Variants in DAPK2 observed in about 807,000 individuals in gnomAD.
DAPK2 encodes death-associated protein kinase 2.
In DAPK2, 35 loss-of-function variants were observed where a neutral mutation model predicts 44.1. That is an observed-to-expected ratio of 0.79 (90% CI 0.61 to 1.05). DAPK2 has a LOEUF of 1.05. DAPK2 is among the 50% of genes least tolerant of loss of function. The pLI is 0.00. For synonymous variants in DAPK2, 174 were observed against 182.6 expected, an observed-to-expected ratio of 0.95 and a Z score of 0.38; for missense variants, 453 against 483.2, an observed-to-expected ratio of 0.94 and a Z score of 0.59.
At chr15:63,974,085 C>T (rs1595832383) in intron 2 of DAPK2, among the ~76,000 whole-genome samples, 1 of 152,252 alleles carries the variant, frequency 6.6e-6, no homozygotes, top group East Asian at 1.9e-4. Flanking sequence ...TTTGATACTA[C>T]TTTTTCACAC....
At chr15:64,016,649 C>T (rs985382282) in intron 1 of DAPK2, among the ~76,000 whole-genome samples, 6 of 152,018 alleles carry the variant, frequency 3.9e-5, no homozygotes, top group African/African-American at 4.8e-5. Context: ...ATAAATTAGC[C>T]GGGCATGTTT....
intron 6 of DAPK2, among the ~76,000 whole-genome samples, chr15:63,927,516 CAA>C (rs1223753198): frequency 1.3e-5 from 2 of 152,198 alleles, no homozygotes; most frequent in African/African-American, 4.8e-5. Context: ...ATCTGTGTCT[CAA>C]AGAGGCATGT....
intron 1 of DAPK2, among the ~76,000 whole-genome samples, chr15:63,988,559 C>T (rs1046254310): frequency 6.0e-5 from 9 of 148,894 alleles, no homozygotes; most frequent in South Asian, 2.1e-4. Flanking sequence ...GGATGGAGTA[C>T]GGTGGCGCAA....
intron 1 of DAPK2, among the ~76,000 whole-genome samples, chr15:64,038,983 T>C (rs930316924): frequency 3.3e-5 from 5 of 152,234 alleles, no homozygotes; most frequent in Middle Eastern, 3.2e-3. Context: ...TATCTACCTA[T>C]GACCTGGAAG....
At chr15:63,984,564 G>T (rs2078619442) in intron 1 of DAPK2, among the ~76,000 whole-genome samples, 1 of 152,168 alleles carries the variant, frequency 6.6e-6, no homozygotes, top group African/African-American at 2.4e-5. Context: ...CTGCACCTCA[G>T]TTCAGTGACC....
chr15:64,007,268 C>T (rs548872423), intron 1 of DAPK2, among the ~76,000 whole-genome samples: 3 of 151,952 alleles, frequency 2.0e-5, no homozygotes, highest in Non-Finnish European at 2.9e-5. Context: ...CCCAGCCAAC[C>T]TTTCTCATTC....
chr15:63,926,871 T>C (rs1027714609), intron 6 of DAPK2, among the ~76,000 whole-genome samples: 1 of 152,202 alleles, frequency 6.6e-6, no homozygotes, highest in Admixed American at 6.5e-5. Flanking sequence ...CTTCTTTCTA[T>C]TCCCTTGCCA....
chr15:63,986,266 G>A (rs1050290739), intron 1 of DAPK2, among the ~76,000 whole-genome samples: 8 of 152,236 alleles, frequency 5.3e-5, no homozygotes, highest in East Asian at 1.9e-4. Context: ...TGTCAAATGG[G>A]AATCAGGGTT....
intron 2 of DAPK2, among the ~76,000 whole-genome samples, chr15:63,982,187 CTTTT>C (rs5813271): frequency 9.3e-6 from 1 of 107,872 alleles, no homozygotes; most frequent in Admixed American, 1.2e-4. Flanking sequence ...TCAGAATATT[CTTTT>C]TTTTTTTTTT....
chr15:64,012,234 G>T (rs955662168), intron 1 of DAPK2, among the ~76,000 whole-genome samples: 4 of 152,134 alleles, frequency 2.6e-5, no homozygotes, highest in Non-Finnish European at 4.4e-5. Flanking sequence ...ACCATACTGC[G>T]GGATGGGAGA....
chr15:63,974,687 T>G (rs2078297997), intron 2 of DAPK2, among the ~76,000 whole-genome samples: 1 of 152,236 alleles, frequency 6.6e-6, no homozygotes, highest in African/African-American at 2.4e-5. Context: ...TCAGCTAATC[T>G]CTTCAGGATC....
chr15:63,950,157 A>G (rs1341947092), intron 3 of DAPK2, among the ~76,000 whole-genome samples: 1 of 152,250 alleles, frequency 6.6e-6, no homozygotes, highest in Non-Finnish European at 1.5e-5. Context: ...TGCACATTCT[A>G]TAGCAATTAA....
upstream of DAPK2, among the ~76,000 whole-genome samples, chr15:64,041,229 G>A (rs1455571899): frequency 3.9e-5 from 6 of 152,274 alleles, no homozygotes; most frequent in East Asian, 9.7e-4. Context: ...CAGGCACCAG[G>A]AGTCAGGAGC....
intron 2 of DAPK2, 122 bp from the exon 4 acceptor site, chr15:63,971,683 C>T: frequency 9.3e-7 from 1 of 1,075,792 alleles, no homozygotes; most frequent in Non-Finnish European, 1.3e-6. Context: ...GGCAGAATCC[C>T]CCTGGCTTAT....
chr15:64,033,287 G>GGTAGGAAGGAAGGAAGGAA (rs2080077211), intron 1 of DAPK2, among the ~76,000 whole-genome samples: 1 of 51,176 alleles, frequency 2.0e-5, no homozygotes, highest in Non-Finnish European at 4.5e-5. Context: ...AGGGGGAAGG[G>GGTAGGAAGGAAGGAAGGAA]GGAAGGAAGG....
intron 1 of DAPK2, among the ~76,000 whole-genome samples, chr15:64,008,224 A>C (rs1157411907): frequency 6.6e-6 from 1 of 152,208 alleles, no homozygotes; most frequent in East Asian, 1.9e-4. Context: ...TTTTTTAAAA[A>C]AGAACCATAA....
At chr15:63,995,459 C>G (rs1315842345) in intron 1 of DAPK2, among the ~76,000 whole-genome samples, 3 of 152,174 alleles carry the variant, frequency 2.0e-5, no homozygotes, top group Non-Finnish European at 4.4e-5. Context: ...AGCTATAGGT[C>G]TTTCTCAGCA....
rs551063253 is a variant in DAPK2, at chr15:63,945,704, G to A, written c.454-6343C>T. 6.6e-5 allele frequency among the ~76,000 whole-genome samples: 10 copies of A among 152,288 alleles called. No individual in the cohort carries two copies. In the East Asian group the frequency reaches 1.4e-3, roughly 21 times the overall value. ...GGCCATGTGAGCTTAAGCAGGCCAC[G>A]TCCTTTCTCTGGGCCTCAGCCCCCC... On this transcript the variant is annotated intron_variant, in intron 3 of 10. Coordinates refer to ENST00000261891, the Ensembl canonical transcript of DAPK2.
chr15:64,045,316 T>TG (rs540040770), intron 1 of DAPK2, among the ~76,000 whole-genome samples: 32 of 152,276 alleles, frequency 2.1e-4, no homozygotes, highest in African/African-American at 7.2e-4. Context: ...ATGAGCGGTT[T>TG]GGGGAAGGAC....
Sources: gnomAD v4.1 joint callset for allele counts (sites outside exome capture counted in the v4.1 genomes callset) on GRCh38, gnomAD v4.1.1 for gene constraint, MANE v1.5 for transcripts, NCBI Gene and HGNC (gene_info 2026-07-23, HGNC 2026-07-21) for gene names.